The following PIK3C2G variants were observed in gnomAD, a reference collection of about 807,000 sequenced individuals.
PIK3C2G encodes the protein phosphatidylinositol-4-phosphate 3-kinase catalytic subunit type 2 gamma, also known as phosphatidylinositol 3-kinase C2 domain-containing subunit gamma.
PIK3C2G carries 168 observed loss-of-function variants against 181.1 expected under a neutral mutation model. The ratio of observed to expected loss-of-function variants is 0.93; its 90% CI spans 0.82 to 1.05. PIK3C2G has a LOEUF of 1.05. Ranked by LOEUF, PIK3C2G falls within the 50% of genes least tolerant of loss-of-function variation. The pLI is 0.00. For synonymous variants in PIK3C2G, 573 were observed against 592.2 expected (o/e 0.97, Z 0.47); for missense variants, 1,869 against 1,732.8 (o/e 1.08, Z -1.40).
chr12:18,414,693 C>A (rs1555182978), intron 16 of PIK3C2G, among the ~76,000 whole-genome samples: 1 of 151,490 alleles, frequency 6.6e-6, no homozygotes, highest in South Asian at 2.1e-4. Flanking sequence ...ATAGATAGAT[C>A]AAAAAAAATA....
chr12:18,258,886 G>T (rs959291294), upstream of PIK3C2G, among the ~76,000 whole-genome samples: 1 of 152,014 alleles, frequency 6.6e-6, no homozygotes, highest in African/African-American at 2.4e-5. Flanking sequence ...ATATTCTATT[G>T]ATTCATTTTT....
chr12:18,379,161 A>C (rs989457349), intron 13 of PIK3C2G, among the ~76,000 whole-genome samples: 23 of 152,094 alleles, frequency 1.5e-4, no homozygotes, highest in Non-Finnish European at 2.8e-4. Flanking sequence ...TGACACATAT[A>C]CACCATGGAA....
At chr12:18,290,420 A>G (rs930442500) in intron 3 of PIK3C2G, among the ~76,000 whole-genome samples, 2 of 152,226 alleles carry the variant, frequency 1.3e-5, no homozygotes, top group Non-Finnish European at 2.9e-5. Flanking sequence ...CTTGACAAGA[A>G]CAAGAGAATT....
intron 18 of PIK3C2G, among the ~76,000 whole-genome samples, chr12:18,469,081 T>C (rs1490209673): frequency 6.6e-6 from 1 of 152,148 alleles, no homozygotes; most frequent in African/African-American, 2.4e-5. Flanking sequence ...TCCTTGATCA[T>C]ATACCCAGAT....
chr12:18,516,738 T>C (rs1416473100), intron 24 of PIK3C2G, among the ~76,000 whole-genome samples: 5 of 152,042 alleles, frequency 3.3e-5, no homozygotes, highest in South Asian at 4.1e-4. Flanking sequence ...TGAACAAGTC[T>C]AAATGGGGTT....
chr12:18,418,495 G>A (rs570688853), intron 16 of PIK3C2G, among the ~76,000 whole-genome samples: 1 of 152,184 alleles, frequency 6.6e-6, no homozygotes, highest in East Asian at 1.9e-4. Context: ...GTGTACTAAA[G>A]GGAGGTTTAT....
intron 11 of PIK3C2G, among the ~76,000 whole-genome samples, chr12:18,359,183 C>A (rs1279483178): frequency 6.6e-6 from 1 of 152,210 alleles, no homozygotes; most frequent in Non-Finnish European, 1.5e-5. Context: ...TTGATTTCTT[C>A]TTTGAACTGT....
chr12:18,681,790 T>C, the PIK3C2G span, among the ~76,000 whole-genome samples: 1 of 151,992 alleles, frequency 6.6e-6, no homozygotes, highest in Non-Finnish European at 1.5e-5. Context: ...GAAAATAAAA[T>C]ATATCCTTTT....
chr12:18,644,484 G>A (rs575616334), intron 32 of PIK3C2G, among the ~76,000 whole-genome samples: 1 of 151,952 alleles, frequency 6.6e-6, no homozygotes, highest in Non-Finnish European at 1.5e-5. Flanking sequence ...CTGTTGTAAG[G>A]TGTAAAGGGA....
chr12:18,602,853 G>C (rs1174336372), intron 30 of PIK3C2G, among the ~76,000 whole-genome samples: 2 of 151,990 alleles, frequency 1.3e-5, no homozygotes, highest in African/African-American at 4.8e-5. Flanking sequence ...ACACCCCATG[G>C]GACAAAAAAA....
At chr12:18,295,799 CTTATT>C (rs1949913710) in intron 5 of PIK3C2G, among the ~76,000 whole-genome samples, 1 of 151,814 alleles carries the variant, frequency 6.6e-6, no homozygotes, top group African/African-American at 2.4e-5. Flanking sequence ...ATTGACAGAA[CTTATT>C]TTAATGTGCA....
intron 18 of PIK3C2G, among the ~76,000 whole-genome samples, chr12:18,450,684 A>G (rs1947298362): frequency 6.6e-6 from 1 of 152,076 alleles, no homozygotes; most frequent in African/African-American, 2.4e-5. Context: ...GGTATTGCTT[A>G]GGTTTTCTTC....
Position 18,389,520 on chromosome 12 carries a change from G to C in PIK3C2G, c.1996-1602G>C, listed in dbSNP as rs12299920. ...CCCTATTTTAATTGTTAATGTGTGC[G>C]CCTTTTCTCCTCAATTAAACTTTAA... On this transcript the variant is annotated intron_variant, in intron 14 of 32. Coordinates refer to ENST00000538779, the MANE Select transcript of PIK3C2G (RefSeq NM_001288772.2). 2.6e-5 allele frequency among the ~76,000 whole-genome samples: 4 copies of C among 152,236 alleles called. No homozygotes were observed. The East Asian group carries it at 7.7e-4, about 29-fold the overall frequency.
At chr12:18,366,739 T>TA (rs34619971) in intron 12 of PIK3C2G, among the ~76,000 whole-genome samples, 31,200 of 146,548 alleles carry the variant, frequency 0.21, 3,351 homozygotes, top group African/African-American at 0.24. Flanking sequence ...TTCCTTGGTT[T>TA]AAAAAAAAAA....
intron 18 of PIK3C2G, among the ~76,000 whole-genome samples, chr12:18,428,176 A>G (rs941864408): frequency 3.9e-5 from 6 of 151,934 alleles, no homozygotes; most frequent in Admixed American, 2.0e-4. Flanking sequence ...TTTAAAATAT[A>G]TCAGAGTTAA....
chr12:18,697,499 T>C, the PIK3C2G span, among the ~76,000 whole-genome samples: 1 of 152,118 alleles, frequency 6.6e-6, no homozygotes, highest in Non-Finnish European at 1.5e-5. Context: ...ATGACTAAGG[T>C]CTCATAACAT....
intron 30 of PIK3C2G, among the ~76,000 whole-genome samples, chr12:18,607,956 A>G (rs981402417): frequency 3.9e-5 from 6 of 152,216 alleles, no homozygotes; most frequent in Admixed American, 6.5e-5. Context: ...AAAAATGCTC[A>G]TCATCACTGG....
intron 18 of PIK3C2G, among the ~76,000 whole-genome samples, chr12:18,462,815 T>G (rs111416843): frequency 7.2e-5 from 11 of 152,150 alleles, no homozygotes; most frequent in African/African-American, 2.7e-4. Context: ...CACATAATAT[T>G]GGCTGCTTCC....
chr12:18,303,120 T>TTCTTTC (rs902405084), intron 5 of PIK3C2G, among the ~76,000 whole-genome samples: 1 of 107,342 alleles, frequency 9.3e-6, no homozygotes, highest in Admixed American at 9.4e-5. Context: ...CTTTCCTTCT[T>TTCTTTC]TCTTTCTTTC....
Sources: gnomAD v4.1 joint callset for allele counts (sites outside exome capture counted in the v4.1 genomes callset) on GRCh38, gnomAD v4.1.1 for gene constraint, MANE v1.5 for transcripts, NCBI Gene and HGNC (gene_info 2026-07-23, HGNC 2026-07-21) for gene names.